Variants in ZDHHC14 observed in about 807,000 individuals in gnomAD.
The protein encoded by ZDHHC14 is palmitoyltransferase ZDHHC14.
In ZDHHC14, 16 loss-of-function variants were observed where a neutral mutation model predicts 47.7. The ratio of observed to expected loss-of-function variants is 0.34; its 90% confidence interval spans 0.23 to 0.51. The LOEUF (loss-of-function observed/expected upper bound fraction) is 0.51, where lower values mean the gene tolerates loss of function less well. ZDHHC14 is among the 20% of genes least tolerant of loss of function. ZDHHC14 has a pLI of 0.97. For synonymous variants in ZDHHC14, 293 were observed against 278.9 expected (o/e 1.05, Z -0.50); for missense variants, 515 against 662.5 (o/e 0.78, Z 2.44).
chr6:157,419,711 G>A (rs1004061681), intron 1 of ZDHHC14, among the ~76,000 whole-genome samples: 3 of 152,128 alleles, frequency 2.0e-5, no homozygotes, highest in Admixed American at 2.0e-4. Context: ...TATACCTAAC[G>A]AAGGACATCT....
chr6:157,517,515 T>C (rs1004068127), intron 1 of ZDHHC14, among the ~76,000 whole-genome samples: 3 of 152,172 alleles, frequency 2.0e-5, no homozygotes, highest in Admixed American at 1.3e-4. Context: ...TTAATCATCT[T>C]GGCCAGGTTG....
chr6:157,491,065 G>A (rs1779901543), intron 1 of ZDHHC14, among the ~76,000 whole-genome samples: 3 of 152,208 alleles, frequency 2.0e-5, no homozygotes, highest in Admixed American at 1.3e-4. Flanking sequence ...GCTGGCATGG[G>A]CAAGGTGCCG....
intron 1 of ZDHHC14, among the ~76,000 whole-genome samples, chr6:157,479,985 G>A (rs1024920793): frequency 3.3e-5 from 5 of 152,226 alleles, no homozygotes; most frequent in South Asian, 2.1e-4. Flanking sequence ...CAGGATCCTC[G>A]AGGGGGTAGG....
intron 1 of ZDHHC14, among the ~76,000 whole-genome samples, chr6:157,430,964 A>T (rs928939353): frequency 4.6e-5 from 7 of 152,238 alleles, no homozygotes; most frequent in Non-Finnish European, 8.8e-5. Flanking sequence ...AAGCCAGGTT[A>T]TGATACATTC....
chr6:157,568,790 A>T (rs1035951637), intron 2 of ZDHHC14, among the ~76,000 whole-genome samples: 2 of 152,152 alleles, frequency 1.3e-5, no homozygotes. Context: ...AACAATACCA[A>T]ATATTGTCAA....
chr6:157,558,575 A>C (rs1227269629), intron 2 of ZDHHC14, among the ~76,000 whole-genome samples: 2 of 152,350 alleles, frequency 1.3e-5, no homozygotes, highest in East Asian at 3.9e-4. Flanking sequence ...ATGGCCCATC[A>C]GTAAAGAAAG....
chr6:157,459,120 G>A (rs545446255), intron 1 of ZDHHC14, among the ~76,000 whole-genome samples: 16 of 152,050 alleles, frequency 1.1e-4, no homozygotes, highest in Non-Finnish European at 1.6e-4. Flanking sequence ...AGGAACCACC[G>A]TTCTTAACTG....
chr6:157,382,394 C>G (rs1777232399), intron 1 of ZDHHC14, 128 bp downstream of exon 1: 1 of 1,137,340 alleles, frequency 8.8e-7, no homozygotes, highest in Admixed American at 2.8e-5. Context: ...TGCCAGTCTG[C>G]GCTCCCTCTT....
intron 2 of ZDHHC14, among the ~76,000 whole-genome samples, chr6:157,552,126 A>T (rs1193130820): frequency 2.0e-5 from 3 of 152,188 alleles, no homozygotes; most frequent in African/African-American, 7.2e-5. Flanking sequence ...CACCCATGTA[A>T]ATTCAACAAG....
At chr6:157,506,905 AT>A (rs35666684) in intron 1 of ZDHHC14, among the ~76,000 whole-genome samples, 65,326 of 150,878 alleles carry the variant, frequency 0.43, 14,229 homozygotes, top group East Asian at 0.5. Flanking sequence ...AAGTAGAGTC[AT>A]TTTTTTTTTA....
intron 2 of ZDHHC14, among the ~76,000 whole-genome samples, chr6:157,544,112 G>C (rs1278865864): frequency 6.6e-6 from 1 of 152,210 alleles, no homozygotes; most frequent in African/African-American, 2.4e-5. Flanking sequence ...TTCAGACCTT[G>C]TTCTTTCCAG....
rs3220439 is a variant in ZDHHC14, at chr6:157,453,788, T to TTTTTTTTTTGTGTGTGTGTGTG, written c.245+71523_245+71524insTTTTTTTTGTGTGTGTGTGTGT. On this transcript the variant is annotated intron_variant, in intron 1 of 8. Coordinates refer to ENST00000359775, the MANE Select transcript of ZDHHC14 (RefSeq NM_024630.3). ...TTCTAAGGCCATTGTTTTTTGTGTT[T>TTTTTTTTTTGTGTGTGTGTGTG]TGTGTGTGTGTGTGTGTGTGTGTGT... Among the ~76,000 whole-genome samples the TTTTTTTTTTGTGTGTGTGTGTG allele has an allele frequency of 2.1e-4, 31 of 148,194 alleles. 1 individual carries two copies. Among genetic ancestry groups the TTTTTTTTTTGTGTGTGTGTGTG allele is most frequent in the African/African-American group, 7.6e-4 (30 of 39,574 alleles).
intron 1 of ZDHHC14, among the ~76,000 whole-genome samples, chr6:157,422,105 A>C (rs914622762): frequency 2.6e-5 from 4 of 152,172 alleles, no homozygotes; most frequent in Non-Finnish European, 5.9e-5. Context: ...AGCCCTTTCC[A>C]ACCGGCTGGA....
chr6:157,527,384 T>C (rs1471921290), intron 1 of ZDHHC14, among the ~76,000 whole-genome samples: 1 of 152,238 alleles, frequency 6.6e-6, no homozygotes, highest in African/African-American at 2.4e-5. Flanking sequence ...CCTGTTTTCC[T>C]ATTTTCCCAC....
At chr6:157,657,578 A>C (rs545191510) in intron 8 of ZDHHC14, among the ~76,000 whole-genome samples, 1 of 152,192 alleles carries the variant, frequency 6.6e-6, no homozygotes, top group Non-Finnish European at 1.5e-5. Flanking sequence ...TTTAAAGCCC[A>C]TGGACCCCAT....
intron 3 of ZDHHC14, among the ~76,000 whole-genome samples, chr6:157,618,056 T>G (rs1282027999): frequency 6.6e-6 from 1 of 152,234 alleles, no homozygotes; most frequent in African/African-American, 2.4e-5. Context: ...AGCACGAGTT[T>G]GTTTTTCAAT....
intron 3 of ZDHHC14, among the ~76,000 whole-genome samples, chr6:157,604,460 T>C (rs925957071): frequency 1.3e-4 from 20 of 152,146 alleles, no homozygotes; most frequent in African/African-American, 4.1e-4. Flanking sequence ...GGGATGACTG[T>C]GTTTACTAGA....
intron 1 of ZDHHC14, among the ~76,000 whole-genome samples, chr6:157,399,699 G>A (rs889823259): frequency 6.6e-6 from 1 of 152,236 alleles, no homozygotes; most frequent in African/African-American, 2.4e-5. Context: ...TCTCCCAGGC[G>A]CACATTCCTT....
chr6:157,472,283 G>A (rs1562439357), intron 1 of ZDHHC14, among the ~76,000 whole-genome samples: 1 of 152,122 alleles, frequency 6.6e-6, no homozygotes, highest in African/African-American at 2.4e-5. Context: ...AGGAGACCTG[G>A]GGCCTTGAAA....
Sources: gnomAD v4.1 joint callset for allele counts (sites outside exome capture counted in the v4.1 genomes callset) on GRCh38, gnomAD v4.1.1 for gene constraint, MANE v1.5 for transcripts, NCBI Gene and HGNC (gene_info 2026-07-23, HGNC 2026-07-21) for gene names.